Variants in SIAH2 observed in about 807,000 individuals in gnomAD.
SIAH2 encodes E3 ubiquitin-protein ligase SIAH2.
A neutral mutation model predicts 20.4 loss-of-function variants in SIAH2; 4 were observed. The observed-to-expected ratio is 0.20, with a 90% CI of 0.10 to 0.45. The LOEUF (loss-of-function observed/expected upper bound fraction) is 0.45, where lower values mean the gene tolerates loss of function less well. SIAH2 is among the 20% of genes least tolerant of loss of function. SIAH2 has a pLI of 0.99. For synonymous variants in SIAH2, 171 were observed against 192.5 expected, an observed-to-expected ratio of 0.89 and a Z score of 0.93; for missense variants, 259 against 440.3, an observed-to-expected ratio of 0.59 and a Z score of 3.69.
chr3:150,762,282 C>T lies in SIAH2; in HGVS notation c.417+151G>A, dbSNP rs1714632810. The T allele has an allele frequency of 3.5e-6, 5 of 1,431,242 alleles. No individual in the cohort carries two copies. In the Admixed American group the frequency reaches 1.4e-4, roughly 40 times the overall value. 88.7% of individuals were successfully genotyped at this position (1,431,242 alleles called of 1,614,324 possible). A position where few individuals can be genotyped will look rare whatever the true frequency, so the allele number is the denominator to read the frequency against. The stretch of plus-strand genomic sequence containing the variant: ...AACCCAGACCTACACCCAAAGTGGG[C>T]TTGAGGGAGGGTGGACGAAGTGTAA... On this transcript the variant is annotated intron_variant, in intron 1 of 1. Transcript: ENST00000312960. This position sits in a 1 kb window ranked among gnomAD's most constrained non-coding sequence, Gnocchi z 6.6.
chr3:150,750,579 T>A (rs761694659), intron 1 of SIAH2, among the ~76,000 whole-genome samples: 27 of 151,948 alleles, frequency 1.8e-4, no homozygotes, highest in Admixed American at 2.6e-4. Flanking sequence ...TGAGAAGATT[T>A]AAAAATTTTT....
At chr3:150,748,673 A>G (rs1364612662) in intron 1 of SIAH2, among the ~76,000 whole-genome samples, 1 of 152,244 alleles carries the variant, frequency 6.6e-6, no homozygotes, top group African/African-American at 2.4e-5. Flanking sequence ...TGTCTTAAGA[A>G]AAACAAACCA....
intron 1 of SIAH2, among the ~76,000 whole-genome samples, chr3:150,744,379 T>C (rs960179058): frequency 1.3e-5 from 2 of 152,240 alleles, no homozygotes; most frequent in African/African-American, 2.4e-5. Context: ...TATTTGCCCA[T>C]AGGAATTGTT....
chr3:150,741,719 A>G lies in SIAH2; in HGVS notation c.*422T>C, dbSNP rs978574625. 1 of 161,078 alleles carries G rather than the reference A, an allele frequency of 6.2e-6. No homozygotes were observed. Among genetic ancestry groups the G allele is most frequent in the Non-Finnish European group, 1.4e-5 (1 of 73,708 alleles). 10.0% of individuals were successfully genotyped at this position (161,078 alleles called of 1,614,324 possible). ...TCAGAAACACTGTTTAAAATGCATT[A>G]AAACAATTCCTACCTCCCACAAACA... On this transcript the variant is annotated 3_prime_UTR_variant, in exon 2 of 2. Transcript: ENST00000312960.
Position 150,742,688 on chromosome 3 carries a change from G to A in SIAH2, c.428C>T (p.Thr143Met), listed in dbSNP as rs781081520. ...AVLFPCKYATTGCSLTLHHTE... is the reference protein window; with the variant it reads ...AVLFPCKYATMGCSLTLHHTE... The stretch of plus-strand genomic sequence containing the variant: ...ATGGTGCAGGGTCAGGGAACAGCCC[G>A]TGGTGGCATACTGCAAAGAAAGAAA... Residue 143 changes from threonine to methionine, a missense_variant, in exon 2 of 2, where the codon ACG becomes ATG. Physicochemically the swap from Thr to Met is moderately conservative, Grantham distance 81. Transcript: ENST00000312960. The surrounding 1 kb of genome is among the most constrained non-coding windows in gnomAD (Gnocchi z 4.8). The A allele has an allele frequency of 2.6e-6, 4 of 1,527,452 alleles. No individual in the cohort carries two copies. Among genetic ancestry groups the A allele is most frequent in the Non-Finnish European group, 2.6e-6 (3 of 1,138,144 alleles). The allele number at this position is 1,527,452 out of a possible 1,614,324, so 94.6% of individuals were successfully genotyped here.
rs1714098003 is a variant in SIAH2 at position 150,742,035 on chromosome 3, T to C, written c.*106A>G. ...GCTGTTCAAACAAAACACGGGTAATTGTGGGTCCTGACTTGTGAAGACATA... is the reference window on the plus strand; with the variant it reads ...GCTGTTCAAACAAAACACGGGTAATCGTGGGTCCTGACTTGTGAAGACATA... On this transcript the variant is annotated 3_prime_UTR_variant, in exon 2 of 2. Transcript: ENST00000312960. The surrounding 1 kb of genome is among the most constrained non-coding windows in gnomAD (Gnocchi z 4.8). 5 of 1,108,310 alleles carry C rather than the reference T, an allele frequency of 4.5e-6. No homozygotes were observed. Among genetic ancestry groups the C allele is most frequent in the Non-Finnish European group, 3.9e-6 (3 of 778,912 alleles). The allele number at this position is 1,108,310 out of a possible 1,614,324, so 68.7% of individuals were successfully genotyped here.
intron 1 of SIAH2, among the ~76,000 whole-genome samples, chr3:150,747,267 G>A (rs1345255540): frequency 1.3e-5 from 2 of 152,206 alleles, no homozygotes; most frequent in Non-Finnish European, 2.9e-5. Flanking sequence ...GAGGAATAAC[G>A]CAGCAGCATC....
rs1393981536 is a variant in SIAH2 at position 150,742,237 on chromosome 3, G to C, written c.879C>G (p.Asn293Lys). ...IHDGVAAAIM[N>K]SDCLVFDTAI... ...CTGTGTCGAAAACAAGGCAGTCGCT[G>C]TTCATGATGGCCGCAGCCACACCGT... Residue 293 changes from asparagine to lysine, a missense_variant, in exon 2 of 2, where the codon AAC becomes AAG. Transcript: ENST00000312960. The surrounding 1 kb of genome is among the most constrained non-coding windows in gnomAD (Gnocchi z 4.8). 4.9e-5 allele frequency: 79 copies of C among 1,614,178 alleles called. No homozygotes were observed. The highest frequency in any genetic ancestry group is 6.7e-5 in the Non-Finnish European group (79 of 1,180,042).
In SIAH2 at chr3:150,742,388, T is replaced by G; in HGVS notation, c.728A>C (p.Gln243Pro). Residue 243 changes from glutamine to proline, a missense_variant, in exon 2 of 2, where the codon CAG becomes CCG. Transcript: ENST00000312960. The surrounding 1 kb of genome is among the most constrained non-coding windows in gnomAD (Gnocchi z 4.8). ...GAGCAGGACGATGGCAAAAAACTGC[T>G]GGTGGCCTTCGTACTTCTCTTGTTT... ...LEKQEKYEGH[Q>P]QFFAIVLLIG... 1 of 1,614,218 alleles carries G rather than the reference T, an allele frequency of 6.2e-7. No homozygotes were observed. The highest frequency in any genetic ancestry group is 8.5e-7 in the Non-Finnish European group (1 of 1,180,036).
In SIAH2 at chr3:150,742,021, A is replaced by T. The variant is rs1412814921; in HGVS notation, c.*120T>A. Reference sequence around the variant, plus strand: ...CCAGATGGGACACTGCTGTTCAAACAAAACACGGGTAATTGTGGGTCCTGA... The same window carrying T: ...CCAGATGGGACACTGCTGTTCAAACTAAACACGGGTAATTGTGGGTCCTGA... On this transcript the variant is annotated 3_prime_UTR_variant, in exon 2 of 2. Transcript: ENST00000312960. This position sits in a 1 kb window ranked among gnomAD's most constrained non-coding sequence, Gnocchi z 4.8. 5.9e-6 allele frequency: 6 copies of T among 1,018,158 alleles called. No individual in the cohort carries two copies. The Admixed American group carries it at 1.7e-4, about 28-fold the overall frequency. The allele number at this position is 1,018,158 out of a possible 1,614,324, so 63.1% of individuals were successfully genotyped here.
chr3:150,757,822 G>GA (rs200561313), intron 1 of SIAH2, among the ~76,000 whole-genome samples: 17 of 146,890 alleles, frequency 1.2e-4, no homozygotes, highest in East Asian at 3.9e-4. Context: ...TCTCTTAAAG[G>GA]AAAAAAAAAA....
chr3:150,746,927 A>G (rs1368937416), intron 1 of SIAH2, among the ~76,000 whole-genome samples: 1 of 152,172 alleles, frequency 6.6e-6, no homozygotes, highest in Non-Finnish European at 1.5e-5. Context: ...AGTCCATTCT[A>G]CCCGTTTTAT....
At chr3:150,759,981 A>C (rs1461486991) in intron 1 of SIAH2, among the ~76,000 whole-genome samples, 3 of 152,198 alleles carry the variant, frequency 2.0e-5, no homozygotes, top group African/African-American at 7.2e-5. Flanking sequence ...TTCTGAGAGC[A>C]GGTGGGGACA....
chr3:150,751,154 T>C (rs1714349798), intron 1 of SIAH2, among the ~76,000 whole-genome samples: 1 of 152,184 alleles, frequency 6.6e-6, no homozygotes, highest in Non-Finnish European at 1.5e-5. Context: ...TAATCAGGCC[T>C]GACACGGTGG....
intron 1 of SIAH2, among the ~76,000 whole-genome samples, chr3:150,755,298 A>G (rs1714460112): frequency 6.8e-6 from 1 of 147,466 alleles, no homozygotes; most frequent in South Asian, 2.2e-4. Flanking sequence ...TAGCAAAAGA[A>G]TATTTTTCTT....
chr3:150,748,688 C>A (rs547611768), intron 1 of SIAH2, among the ~76,000 whole-genome samples: 1 of 152,150 alleles, frequency 6.6e-6, no homozygotes, highest in African/African-American at 2.4e-5. Context: ...AAACCACAAT[C>A]GATATTTTGT....
chr3:150,754,311 G>A (rs553335204), intron 1 of SIAH2, among the ~76,000 whole-genome samples: 1 of 152,276 alleles, frequency 6.6e-6, no homozygotes, highest in South Asian at 2.1e-4. Flanking sequence ...GAAGGCAAAG[G>A]GGGAGTGAGG....
rs1327395520 is a variant in SIAH2, at chr3:150,744,202, T to C, written c.418-1504A>G. On this transcript the variant is annotated intron_variant, in intron 1 of 1. Transcript: ENST00000312960. ...CGCTAAGTTACAGTCACTCAGAGGATTCCGAAGCAAGGATGACAGCCTCCA... is the reference window on the plus strand; with the variant it reads ...CGCTAAGTTACAGTCACTCAGAGGACTCCGAAGCAAGGATGACAGCCTCCA... 1.3e-5 allele frequency among the ~76,000 whole-genome samples: 2 copies of C among 152,074 alleles called. 1 individual carries two copies. Among genetic ancestry groups the C allele is most frequent in the South Asian group, 4.1e-4 (2 of 4,822 alleles).
chr3:150,750,101 G>T (rs1714325080), intron 1 of SIAH2, among the ~76,000 whole-genome samples: 1 of 152,098 alleles, frequency 6.6e-6, no homozygotes. Flanking sequence ...TGTGCAAATG[G>T]GAGTTGGCAG....
Sources: gnomAD v4.1 joint callset for allele counts (sites outside exome capture counted in the v4.1 genomes callset) on GRCh38, gnomAD v4.1.1 for gene constraint, Gnocchi (gnomAD v3.1) non-coding constraint, MANE v1.5 for transcripts, NCBI Gene and HGNC (gene_info 2026-07-23, HGNC 2026-07-21) for gene names.